MICAL2: variants seen among roughly 807,000 people sequenced by gnomAD.
MICAL2 encodes [F-actin]-monooxygenase MICAL2.
In MICAL2, 77 loss-of-function variants were observed where a neutral mutation model predicts 127.3. The observed-to-expected ratio is 0.60, with a 90% CI of 0.50 to 0.73. The LOEUF (loss-of-function observed/expected upper bound fraction) is 0.73, where lower values mean the gene tolerates loss of function less well. Ranked by LOEUF, MICAL2 falls within the 30% of genes least tolerant of loss-of-function variation. MICAL2 has a pLI of 0.00. For missense variants in MICAL2, 1,351 were observed against 1,434.4 expected (o/e 0.94, Z 0.94); for synonymous variants, 570 against 551.1 (o/e 1.03, Z -0.48).
At chr11:12,212,463 C>A (rs1019913624) in intron 6 of MICAL2, among the ~76,000 whole-genome samples, 1 of 152,126 alleles carries the variant, frequency 6.6e-6, no homozygotes, top group East Asian at 1.9e-4. Flanking sequence ...GGCAACAGAG[C>A]GAGACCCTGT....
downstream of MICAL2, among the ~76,000 whole-genome samples, chr11:12,263,976 A>T: frequency 6.6e-6 from 1 of 152,148 alleles, no homozygotes; most frequent in African/African-American, 2.4e-5. Flanking sequence ...ACTGTCACCA[A>T]TGCTCCTGGG....
chr11:12,186,641 C>G (rs1858324931), intron 3 of MICAL2, among the ~76,000 whole-genome samples: 1 of 152,144 alleles, frequency 6.6e-6, no homozygotes, highest in Admixed American at 6.5e-5. Context: ...TCAGTTTACC[C>G]AGCTGCAAAA....
At chr11:12,125,745 A>C (rs1434783482) in intron 1 of MICAL2, among the ~76,000 whole-genome samples, 1 of 152,234 alleles carries the variant, frequency 6.6e-6, no homozygotes, top group Non-Finnish European at 1.5e-5. Flanking sequence ...AACTGATAAT[A>C]GTGGTGACCT....
intron 22 of MICAL2, chr11:12,252,499 G>T (rs1441478901): frequency 1.3e-5 from 2 of 152,304 alleles, no homozygotes; most frequent in Non-Finnish European, 1.5e-5. Context: ...CACACACATG[G>T]TCTGGAGTGA....
chr11:12,294,162 G>A, downstream of MICAL2: 1 of 1,614,028 alleles, frequency 6.2e-7, no homozygotes, highest in Non-Finnish European at 8.5e-7. Flanking sequence ...CCAACCCAGA[G>A]AGGGGCCCAG....
chr11:12,189,863 G>C (rs1318865355), intron 3 of MICAL2, among the ~76,000 whole-genome samples: 1 of 152,148 alleles, frequency 6.6e-6, no homozygotes, highest in East Asian at 1.9e-4. Flanking sequence ...GTGAGGGGAG[G>C]CTTTCCAGAA....
At chr11:12,165,138 C>CAAAAA (rs1207353830) in intron 3 of MICAL2, among the ~76,000 whole-genome samples, 1 of 73,334 alleles carries the variant, frequency 1.4e-5, no homozygotes, top group East Asian at 4.0e-4. Flanking sequence ...GACTCCATCT[C>CAAAAA]AAAAAAAAAA....
chr11:12,260,746 G>T, intron 26 of MICAL2: 8 of 985,480 alleles, frequency 8.1e-6, no homozygotes, highest in Non-Finnish European at 8.4e-6. Flanking sequence ...ACAGAAGCAC[G>T]GAGCAGTGTG....
chr11:12,196,480 G>A (rs1590294328), intron 3 of MICAL2, among the ~76,000 whole-genome samples: 1 of 152,154 alleles, frequency 6.6e-6, no homozygotes, highest in South Asian at 2.1e-4. Context: ...GGGTCAATAA[G>A]GGAAGGGTAT....
chr11:12,157,365 A>G (rs146099412), intron 2 of MICAL2, among the ~76,000 whole-genome samples: 4 of 152,256 alleles, frequency 2.6e-5, no homozygotes, highest in South Asian at 4.1e-4. Flanking sequence ...CCCATTACCA[A>G]TGCTGTTGCC....
intron 2 of MICAL2, among the ~76,000 whole-genome samples, chr11:12,153,053 A>G (rs188753035): frequency 6.6e-6 from 1 of 151,916 alleles, no homozygotes; most frequent in African/African-American, 2.4e-5. Flanking sequence ...GTTTTGAGGC[A>G]GGCTCTTGTT....
chr11:12,143,366 T>C (rs1279338140), intron 2 of MICAL2, among the ~76,000 whole-genome samples: 1 of 152,128 alleles, frequency 6.6e-6, no homozygotes, highest in African/African-American at 2.4e-5. Flanking sequence ...AGTTCAGAAG[T>C]AGACTGTCAA....
chr11:12,239,802 T>C (rs1859614804), intron 17 of MICAL2, among the ~76,000 whole-genome samples: 1 of 152,224 alleles, frequency 6.6e-6, no homozygotes, highest in Non-Finnish European at 1.5e-5. Flanking sequence ...AACTCTGCCA[T>C]TGTAGTATGA....
chr11:12,249,291 G>A (rs1003217895), intron 22 of MICAL2, 45 bp downstream of exon 22: 5 of 1,176,420 alleles, frequency 4.3e-6, no homozygotes, highest in Non-Finnish European at 6.4e-6. Context: ...ACCTGCAAAG[G>A]GGGATTATCA....
chr11:12,357,335 G>C (rs1939143865), intron 34 of MICAL2, among the ~76,000 whole-genome samples: 1 of 152,138 alleles, frequency 6.6e-6, no homozygotes, highest in Admixed American at 6.5e-5. Flanking sequence ...ATTACTACTT[G>C]TTTCCTACTC....
At chr11:12,343,726 A>G (rs1938907937) in intron 32 of MICAL2, among the ~76,000 whole-genome samples, 1 of 152,218 alleles carries the variant, frequency 6.6e-6, no homozygotes, top group Admixed American at 6.5e-5. Flanking sequence ...TGGATCGAGA[A>G]CAAGGAAGGA....
chr11:12,255,726 G>A lies in MICAL2; in HGVS notation c.2931G>A (p.Lys977=), dbSNP rs1862240525. ...VNLYMNDHRP[K]AQATSPDLES... ...TGTACATGAATGATCACAGACCTAA[G>A]GCCCAGGCCACCTCTCCAGACCTGG... is the stretch of plus-strand genomic sequence containing the variant. The change falls in exon 23 of 28, where the codon AAG becomes AAA. Residue 977 remains lysine (K), a synonymous_variant. Coordinates refer to ENST00000683283, the MANE Select transcript of MICAL2 (RefSeq NM_001282663.2). The A allele has an allele frequency of 6.2e-7, 1 of 1,613,790 alleles. No individual in the cohort carries two copies.
At position 12,185,746 on chromosome 11, in the gene MICAL2, G is replaced by A. The variant is rs575791950; in HGVS notation, c.265-18504G>A. Among the ~76,000 whole-genome samples, 32 of 152,200 alleles carry A rather than the reference G, an allele frequency of 2.1e-4. No homozygotes were observed. The South Asian group carries it at 4.8e-3, about 23-fold the overall frequency. ...CTCTCCCAGCAGAGGCAATAAAGAC[G>A]TCCAAACCCATATACAGTGTGTAAA... On this transcript the variant is annotated intron_variant, in intron 3 of 27. Coordinates refer to ENST00000683283, the MANE Select transcript of MICAL2 (RefSeq NM_001282663.2).
At chr11:12,201,438 G>A (rs1256256724) in intron 3 of MICAL2, among the ~76,000 whole-genome samples, 1 of 151,212 alleles carries the variant, frequency 6.6e-6, no homozygotes, top group Non-Finnish European at 1.5e-5. Flanking sequence ...CAAGCAGAAG[G>A]GCAGTTACCA....
Sources: allele counts gnomAD v4.1 joint callset (sites outside exome capture counted in the v4.1 genomes callset), GRCh38; gene constraint gnomAD v4.1.1; transcripts MANE v1.5; gene names NCBI Gene and HGNC (gene_info 2026-07-23, HGNC 2026-07-21).